The following MAML3 variants were observed in gnomAD, a reference collection of about 807,000 sequenced individuals.
The protein encoded by MAML3 is mastermind-like protein 3.
Under a neutral mutation model 101.9 loss-of-function variants are expected in MAML3, and 27 were observed. The observed-to-expected ratio is 0.27, with a 90% CI of 0.20 to 0.37. The LOEUF is 0.37. Ranked by LOEUF, MAML3 falls within the 10% of genes least tolerant of loss-of-function variation. MAML3 has a pLI of 1.00. For synonymous variants in MAML3, 501 were observed against 555.9 expected (o/e 0.90, Z 1.39); for missense variants, 1,316 against 1,444.9 (o/e 0.91, Z 1.45).
At chr4:139,756,350 A>T (rs566084391) in intron 2 of MAML3, among the ~76,000 whole-genome samples, 1 of 152,320 alleles carries the variant, frequency 6.6e-6, no homozygotes, top group South Asian at 2.1e-4. Flanking sequence ...GATTTTTATT[A>T]TGCTCCATCA....
chr4:140,110,520 C>A (rs142960798), intron 1 of MAML3, among the ~76,000 whole-genome samples: 169 of 152,294 alleles, frequency 1.1e-3, no homozygotes, highest in African/African-American at 3.7e-3. Flanking sequence ...GGGTACAACC[C>A]CATCTTTGAG....
chr4:139,762,851 C>G (rs536578519), intron 2 of MAML3, among the ~76,000 whole-genome samples: 1 of 152,178 alleles, frequency 6.6e-6, no homozygotes, highest in Non-Finnish European at 1.5e-5. Context: ...TGGCCAGGCA[C>G]AGCCCATGGA....
At chr4:139,978,699 C>T (rs764677820) in intron 1 of MAML3, among the ~76,000 whole-genome samples, 17 of 151,770 alleles carry the variant, frequency 1.1e-4, no homozygotes, top group Non-Finnish European at 2.2e-4. Flanking sequence ...TGGGCCCTGG[C>T]AGGTTATCAA....
chr4:140,088,302 A>AG (rs1415226962), intron 1 of MAML3, among the ~76,000 whole-genome samples: 1 of 152,102 alleles, frequency 6.6e-6, no homozygotes, highest in African/African-American at 2.4e-5. Flanking sequence ...CTGGTCTAAG[A>AG]GGGAGAACCC....
intron 1 of MAML3, among the ~76,000 whole-genome samples, chr4:140,067,075 C>G (rs1727549066): frequency 6.6e-6 from 1 of 152,140 alleles, no homozygotes; most frequent in Non-Finnish European, 1.5e-5. Context: ...CATGCCTTTT[C>G]TCCAATATTA....
Position 139,946,913 on chromosome 4 carries a change from ACACACACACACACT to A in MAML3, c.469-55960_469-55947del, listed in dbSNP as rs1484097385. 6.0e-4 allele frequency among the ~76,000 whole-genome samples: 73 copies of A among 122,122 alleles called. No homozygotes were observed. In the East Asian group the frequency reaches 8.7e-3, roughly 15 times the overall value. 80.1% of individuals were successfully genotyped at this position (122,122 alleles called of 152,430 possible). On this transcript the variant is annotated intron_variant, in intron 1 of 4. Transcript: ENST00000509479. ...GCCACACACACACACACACACACAC[ACACACACACACACT>A]CTCTCTCTCTCTCTCTCTCTCTCTC...
chr4:139,779,223 G>A (rs953689195), intron 2 of MAML3, among the ~76,000 whole-genome samples: 3 of 152,146 alleles, frequency 2.0e-5, no homozygotes, highest in East Asian at 1.9e-4. Flanking sequence ...TTTCCCTAAA[G>A]AGCTGAGGAA....
At chr4:140,098,995 G>C (rs528369607) in intron 1 of MAML3, among the ~76,000 whole-genome samples, 3 of 151,992 alleles carry the variant, frequency 2.0e-5, no homozygotes, top group African/African-American at 7.2e-5. Context: ...TTGATGTCTC[G>C]GTCTGTTCCA....
intron 1 of MAML3, among the ~76,000 whole-genome samples, chr4:140,032,269 G>A (rs1726919853): frequency 6.6e-6 from 1 of 152,206 alleles, no homozygotes. Flanking sequence ...AAGAGGTTAA[G>A]TGCCCTTTTA....
intron 2 of MAML3, among the ~76,000 whole-genome samples, chr4:139,882,869 A>AAAC (rs971580602): frequency 9.9e-5 from 15 of 152,182 alleles, no homozygotes; most frequent in Admixed American, 3.3e-4. Context: ...ACAAATAAAC[A>AAAC]AACAACAACA....
chr4:139,893,044 C>T (rs960576188), intron 1 of MAML3, among the ~76,000 whole-genome samples: 8 of 151,966 alleles, frequency 5.3e-5, no homozygotes, highest in African/African-American at 1.9e-4. Context: ...CTCCCCTCTT[C>T]TCCCTTACCC....
At chr4:139,832,640 A>C (rs7683643) in intron 2 of MAML3, among the ~76,000 whole-genome samples, 1 of 152,210 alleles carries the variant, frequency 6.6e-6, no homozygotes, top group Non-Finnish European at 1.5e-5. Context: ...CAACAACAGG[A>C]ATTGTGCCTG....
chr4:140,087,118 C>G (rs1323269468), intron 1 of MAML3, among the ~76,000 whole-genome samples: 1 of 152,156 alleles, frequency 6.6e-6, no homozygotes, highest in Non-Finnish European at 1.5e-5. Context: ...TGAGATCGTG[C>G]CATTGCATTC....
chr4:140,029,124 GC>G (rs1167096968), intron 1 of MAML3, among the ~76,000 whole-genome samples: 5 of 152,142 alleles, frequency 3.3e-5, no homozygotes, highest in Admixed American at 6.5e-5. Context: ...CCTGCTCTCA[GC>G]CCAGGGGGAC....
intron 2 of MAML3, among the ~76,000 whole-genome samples, chr4:139,861,484 T>A (rs1731785321): frequency 6.6e-6 from 1 of 151,568 alleles, no homozygotes; most frequent in East Asian, 2.0e-4. Context: ...CCGATGTGTG[T>A]GTGTGTGTGT....
chr4:139,972,035 C>T (rs1364415938), intron 1 of MAML3, among the ~76,000 whole-genome samples: 3 of 152,168 alleles, frequency 2.0e-5, no homozygotes, highest in Non-Finnish European at 2.9e-5. Flanking sequence ...CTTTTAAATA[C>T]ACAAAATGCT....
intron 2 of MAML3, among the ~76,000 whole-genome samples, chr4:139,878,236 G>A (rs139479907): frequency 6.6e-6 from 1 of 152,220 alleles, no homozygotes; most frequent in African/African-American, 2.4e-5. Flanking sequence ...CTCATTCTTG[G>A]TCTATCTCGA....
At chr4:140,091,527 A>C (rs1728047590) in intron 1 of MAML3, among the ~76,000 whole-genome samples, 1 of 121,986 alleles carries the variant, frequency 8.2e-6, no homozygotes, top group Non-Finnish European at 1.8e-5. Flanking sequence ...AACAAAACAA[A>C]ACAACAAAAC....
At chr4:139,782,469 A>G (rs1730235135) in intron 2 of MAML3, among the ~76,000 whole-genome samples, 1 of 152,150 alleles carries the variant, frequency 6.6e-6, no homozygotes, top group Non-Finnish European at 1.5e-5. Flanking sequence ...GCTGGGACTG[A>G]CTTTTTGATC....
Sources: allele counts gnomAD v4.1 joint callset (sites outside exome capture counted in the v4.1 genomes callset), GRCh38; gene constraint gnomAD v4.1.1; transcripts MANE v1.5; gene names NCBI Gene and HGNC (gene_info 2026-07-23, HGNC 2026-07-21).